The following ZNF687 variants were observed in gnomAD, a reference collection of about 807,000 sequenced individuals.
ZNF687 encodes zinc finger protein 687.
ZNF687 carries 13 observed loss-of-function variants against 71.8 expected under a neutral mutation model. That is an observed-to-expected ratio of 0.18 (90% CI 0.12 to 0.29). ZNF687 has a LOEUF of 0.29. ZNF687 is among the 10% of genes least tolerant of loss of function. ZNF687 has a pLI of 1.00. For synonymous variants in ZNF687, 673 were observed against 641.6 expected, an observed-to-expected ratio of 1.05 and a Z score of -0.74; for missense variants, 1,412 against 1,625.6, an observed-to-expected ratio of 0.87 and a Z score of 2.26.
Position 151,286,269 on chromosome 1 carries a change from C to T in ZNF687, c.-17-6C>T. The T allele has an allele frequency of 2.6e-6, 4 of 1,521,186 alleles. No homozygotes were observed. Among genetic ancestry groups the T allele is most frequent in the Non-Finnish European group, 3.5e-6 (4 of 1,136,154 alleles). 94.2% of individuals were successfully genotyped at this position (1,521,186 alleles called of 1,614,324 possible). A position where few individuals can be genotyped will look rare whatever the true frequency, so the allele number is the denominator to read the frequency against. ...AGTTTCTCCTCCTCGTTCCTGTTTT[C>T]ATCAGGTCTGGGATCTGCCGATATG... On this transcript the variant is annotated splice_region_variant and splice_polypyrimidine_tract_variant and intron_variant, in intron 1 of 8. Transcript: ENST00000336715.
Position 151,288,590 on chromosome 1 carries a change from G to A in ZNF687, c.2178G>A (p.Met726Ile), listed in dbSNP as rs370995392. ...GCAGCTTCAGCGCCCACCAGCGCAT[G>A]CATAAGAATCGACCCCCCCATGTCT... The part of the protein sequence containing the change: ...NRCSFSAHQR[M>I]HKNRPPHVCP... The change falls in exon 3 of 9, where the codon ATG becomes ATA. Residue 726 changes from methionine (M) to isoleucine (I), a missense_variant. This residue lies in a region of ZNF687 where 207 missense variants were observed against 239.2 expected (regional missense o/e 0.87). Transcript: ENST00000336715. 3 of 1,614,000 alleles carry A rather than the reference G, an allele frequency of 1.9e-6. No homozygotes were observed. Among genetic ancestry groups the A allele is most frequent in the South Asian group, 1.1e-5 (1 of 91,084 alleles).
At position 151,290,250 on chromosome 1, in the gene ZNF687, C is replaced by G. The variant is rs753218282; in HGVS notation, c.3077+16C>G. 2 of 1,613,036 alleles carry G rather than the reference C, an allele frequency of 1.2e-6. No homozygotes were observed. The highest frequency in any genetic ancestry group is 1.7e-6 in the Non-Finnish European group (2 of 1,179,296). On this transcript the variant is annotated intron_variant, in intron 7 of 8. Transcript: ENST00000336715. The stretch of plus-strand genomic sequence containing the variant: ...ACCCCTGCAGGTAAGTCTTGCTCCC[C>G]GCTTCCTCTTCCTGCCCAGCACGTG...
rs865821273 is a variant in ZNF687, at chr1:151,288,516, C to A, written c.2116-12C>A. 1 of 1,592,122 alleles carries A rather than the reference C, an allele frequency of 6.3e-7. No homozygotes were observed. The highest frequency in any genetic ancestry group is 8.6e-7 in the Non-Finnish European group (1 of 1,166,060). On this transcript the variant is annotated splice_polypyrimidine_tract_variant and intron_variant, in intron 2 of 8. Transcript: ENST00000336715. ...CTCCTCACCGACTTTCCTTGTTTAA[C>A]CCACTCGACAGGTGTGCCCAACCTG...
At chr1:151,283,801 C>G in intron 1 of ZNF687, 1 of 985,218 alleles carries the variant, frequency 1.0e-6, no homozygotes, top group South Asian at 4.7e-5. Context: ...GGTTTTGCCC[C>G]CACCCCAACC....
Position 151,290,886 on chromosome 1 carries a change from G to T in ZNF687, c.3391G>T (p.Glu1131Ter). The T allele has an allele frequency of 6.2e-7, 1 of 1,614,104 alleles. No individual in the cohort carries two copies. The highest frequency in any genetic ancestry group is 1.1e-5 in the South Asian group (1 of 91,080). ...EQSLMMGLRV[E>*]DGAQQCLDCG... is the part of the protein sequence containing the mutation. Reference sequence around the variant, plus strand: ...GAGCCTCATGATGGGGTTGAGGGTGGAGGATGGTGCCCAGCAGTGCCTCGA... The same window carrying T: ...GAGCCTCATGATGGGGTTGAGGGTGTAGGATGGTGCCCAGCAGTGCCTCGA... Residue 1131 changes from glutamate to a stop codon, truncating the protein, a stop_gained, in exon 9 of 9, where the codon GAG becomes TAG. Coordinates refer to ENST00000336715, the MANE Select transcript of ZNF687 (RefSeq NM_020832.3). LOFTEE classifies it high-confidence loss of function.
intron 3 of ZNF687, 40 bp from the exon 4 acceptor site, chr1:151,289,055 G>A (rs374045355): frequency 2.5e-5 from 40 of 1,600,514 alleles, no homozygotes; most frequent in Non-Finnish European, 4.3e-6. Flanking sequence ...GCATGGAGAT[G>A]CCTCCCACCT....
Position 151,288,275 on chromosome 1 carries a change from C to A in ZNF687, c.1984C>A (p.Pro662Thr). 2 of 1,613,624 alleles carry A rather than the reference C, an allele frequency of 1.2e-6. No homozygotes were observed. The highest frequency in any genetic ancestry group is 2.2e-5 in the South Asian group (2 of 91,080). The change falls in exon 2 of 9, where the codon CCT (proline) becomes ACT (threonine). Residue 662 changes from proline to threonine, a missense_variant. Coordinates refer to ENST00000336715, the MANE Select transcript of ZNF687 (RefSeq NM_020832.3). ...APVLPLSTEP[P>T]AAPATSAYTC... ...TGTCCTGCCGCTCTCCACAGAGCCG[C>A]CTGCTGCCCCGGCCACCTCTGCTTA...
chr1:151,287,854 A>G lies in ZNF687; in HGVS notation c.1563A>G (p.Pro521=). Residue 521 remains proline (P), a synonymous_variant, in exon 2 of 9, where the codon CCA becomes CCG. Coordinates refer to ENST00000336715, the MANE Select transcript of ZNF687 (RefSeq NM_020832.3). This position sits in a 1 kb window ranked among gnomAD's most constrained non-coding sequence, Gnocchi z 5.0. Reference sequence around the variant, plus strand: ...CCTATAGGCCAAACCTGAGCCCACCAGCTGAGGCTGGGCTGGCCCTGCCTC... The same window carrying G: ...CCTATAGGCCAAACCTGAGCCCACCGGCTGAGGCTGGGCTGGCCCTGCCTC... ...LPAYRPNLSP[P]AEAGLALPPT... 6.2e-7 allele frequency: 1 copy of G among 1,613,992 alleles called. No homozygotes were observed. Among genetic ancestry groups the G allele is most frequent in the Non-Finnish European group, 8.5e-7 (1 of 1,180,028 alleles).
At position 151,288,054 on chromosome 1, in the gene ZNF687, A is replaced by G; in HGVS notation, c.1763A>G (p.Lys588Arg). The G allele has an allele frequency of 6.2e-7, 1 of 1,614,050 alleles. No homozygotes were observed. The highest frequency in any genetic ancestry group is 8.5e-7 in the Non-Finnish European group (1 of 1,180,034). ...LLLHAREHKD[K>R]GLVMQCSHLV... ...CTGCATGCACGTGAACACAAGGACA[A>G]GGGGCTCGTCATGCAGTGCTCACAT... The change falls in exon 2 of 9, where the codon AAG becomes AGG. Residue 588 changes from lysine to arginine, a missense_variant. Physicochemically the swap from Lys to Arg is conservative, Grantham distance 26 (BLOSUM62 2). Around this residue, in one of 8 missense-constraint regions of ZNF687, gnomAD observed 207 missense variants for 239.2 expected, o/e 0.87. Transcript: ENST00000336715.
rs1223195328 is a variant in ZNF687 at position 151,291,897 on chromosome 1, G to C, written c.*688G>C. ...CAGACCATTAAAACTGTTTGTGGTC[G>C]AATCTCCATTCAGGCCTCTCTTTTT... On this transcript the variant is annotated 3_prime_UTR_variant, in exon 9 of 9. Transcript: ENST00000336715. 6.6e-6 allele frequency: 1 copy of C among 152,332 alleles called. No homozygotes were observed. The highest frequency in any genetic ancestry group is 1.5e-5 in the Non-Finnish European group (1 of 68,032). 9.4% of individuals were successfully genotyped at this position (152,332 alleles called of 1,614,324 possible). A position where few individuals can be genotyped will look rare whatever the true frequency, so the allele number is the denominator to read the frequency against.
chr1:151,282,424 C>T (rs1378734029), intron 1 of ZNF687, 29 bp downstream of exon 1: 1 of 986,014 alleles, frequency 1.0e-6, no homozygotes, highest in Admixed American at 6.1e-5. Context: ...AATACCCGCC[C>T]TTGGCTCCGC....
rs912143074 is a variant in ZNF687, at chr1:151,288,387, C to T, written c.2096C>T (p.Ala699Val). ...CACTTCCAGCAGCTCGGCCCCCCTG[C>T]CCCTGGGGCCACCAGCAATGTGAGT... is the stretch of plus-strand genomic sequence containing the variant. Reference protein sequence around the residue: ...AAHFQQLGPPAPGATSNVCPT... With the variant: ...AAHFQQLGPPVPGATSNVCPT... The change falls in exon 2 of 9, where the codon GCC becomes GTC. Residue 699 changes from alanine to valine, a missense_variant. Ala to Val is a moderately conservative substitution (Grantham distance 64). Coordinates refer to ENST00000336715, the MANE Select transcript of ZNF687 (RefSeq NM_020832.3). 17 of 1,604,812 alleles carry T rather than the reference C, an allele frequency of 1.1e-5. No individual in the cohort carries two copies. In the East Asian group the frequency reaches 3.3e-4, roughly 32 times the overall value.
chr1:151,288,361 T>C lies in ZNF687; in HGVS notation c.2070T>C (p.Ala690=), dbSNP rs1571099844. The stretch of plus-strand genomic sequence containing the variant: ...GCCGGGACAAGGCTGGCATGGCAGC[T>C]CACTTCCAGCAGCTCGGCCCCCCTG... ...EQCRDKAGMA[A]HFQQLGPPAP... is the part of the protein sequence containing the mutation. The change falls in exon 2 of 9, where the codon GCT becomes GCC. Residue 690 remains alanine, a synonymous_variant. Transcript: ENST00000336715. The C allele has an allele frequency of 6.2e-7, 1 of 1,609,566 alleles. No individual in the cohort carries two copies. Among genetic ancestry groups the C allele is most frequent in the African/African-American group, 1.3e-5 (1 of 75,030 alleles).
Position 151,286,979 on chromosome 1 carries a change from C to G in ZNF687, c.688C>G (p.His230Asp). Reference protein sequence around the residue: ...ALKQESCSPHHPQVLAQQGSG... With the variant: ...ALKQESCSPHDPQVLAQQGSG... ...GAAGCAGGAGAGCTGCAGCCCCCAT[C>G]ATCCCCAGGTCCTAGCCCAACAAGG... Residue 230 changes from histidine to aspartate, a missense_variant, in exon 2 of 9, where the codon CAT (histidine) becomes GAT (aspartate). This residue lies in a region of ZNF687 where 490 missense variants were observed against 489.9 expected (regional missense o/e 1.00). Transcript: ENST00000336715. 1 of 1,604,970 alleles carries G rather than the reference C, an allele frequency of 6.2e-7. No individual in the cohort carries two copies. The highest frequency in any genetic ancestry group is 8.5e-7 in the Non-Finnish European group (1 of 1,174,652).
intron 8 of ZNF687, 61 bp downstream of exon 8, chr1:151,290,634 C>G: frequency 6.3e-7 from 1 of 1,584,860 alleles, no homozygotes; most frequent in Non-Finnish European, 8.6e-7. Context: ...AGGCAGAGAC[C>G]ATGGCCTCAG....
At chr1:151,281,971 GC>G (rs1693729838), upstream of ZNF687, 1 of 1,199,020 alleles carries the variant, frequency 8.3e-7, no homozygotes. Context: ...CTTCCAGTAG[GC>G]AAGCTGGGAA....
rs770670817 is a variant in ZNF687 at position 151,286,848 on chromosome 1, G to A, written c.557G>A (p.Arg186Gln). The change falls in exon 2 of 9, where the codon CGG becomes CAG. Residue 186 changes from arginine to glutamine, a missense_variant. Physicochemically the swap from Arg to Gln is conservative, Grantham distance 43 (BLOSUM62 1). Coordinates refer to ENST00000336715, the MANE Select transcript of ZNF687 (RefSeq NM_020832.3). ...CCTCCCTCTGCACCCTCTCCCACTC[G>A]GGAGGGGGCTCTGACCCCGCCTCCT... is the stretch of plus-strand genomic sequence containing the variant. ...PLPPSAPSPT[R>Q]EGALTPPPFP... 2.1e-5 allele frequency: 34 copies of A among 1,613,944 alleles called. No homozygotes were observed. Among genetic ancestry groups the A allele is most frequent in the South Asian group, 1.5e-4 (14 of 91,060 alleles).
rs1239513054 is a variant in ZNF687, at chr1:151,286,969, C to T, written c.678C>T (p.Cys226=). ...TGGGGGCCTTGAAGCAGGAGAGCTG[C>T]AGCCCCCATCATCCCCAGGTCCTAG... ...PPLGALKQES[C]SPHHPQVLAQ... is the part of the protein sequence containing the mutation. The change falls in exon 2 of 9, where the codon TGC becomes TGT. Residue 226 remains cysteine (C), a synonymous_variant. Coordinates refer to ENST00000336715, the MANE Select transcript of ZNF687 (RefSeq NM_020832.3). The T allele has an allele frequency of 1.2e-6, 2 of 1,606,168 alleles. No homozygotes were observed. Among genetic ancestry groups the T allele is most frequent in the Middle Eastern group, 1.7e-4 (1 of 6,008 alleles).
At chr1:151,288,498 C>G (rs1277028810) in intron 2 of ZNF687, 30 bp from the exon 3 acceptor site, 1 of 1,581,996 alleles carries the variant, frequency 6.3e-7, no homozygotes, top group African/African-American at 1.3e-5. Flanking sequence ...ACACTCCTCA[C>G]CGACTTTCCT....
Sources: allele counts gnomAD v4.1 joint callset, GRCh38; gene constraint gnomAD v4.1.1; regional missense constraint gnomAD v4.1.1; non-coding constraint Gnocchi (gnomAD v3.1); transcripts MANE v1.5; gene names NCBI Gene and HGNC (gene_info 2026-07-23, HGNC 2026-07-21).